Variants in MCM9 observed in about 807,000 individuals in gnomAD.
MCM9 encodes the protein DNA helicase MCM9.
In MCM9, 55 loss-of-function variants were observed where a neutral mutation model predicts 72.8. The ratio of observed to expected loss-of-function variants is 0.76; its 90% CI spans 0.61 to 0.95. The LOEUF (loss-of-function observed/expected upper bound fraction) is 0.95, where lower values mean the gene tolerates loss of function less well. Ranked by LOEUF, MCM9 falls within the 40% of genes least tolerant of loss-of-function variation. MCM9 has a pLI of 0.00. For missense variants in MCM9, 1,279 were observed against 1,377.0 expected (o/e 0.93, Z 1.13); for synonymous variants, 480 against 503.4 (o/e 0.95, Z 0.62).
At position 118,814,985 on chromosome 6, in the gene MCM9, T is replaced by C; in HGVS notation, c.3271A>G (p.Thr1091Ala). ...RGERGPSSPP[T>A]TTAPMRVSKR... ...CTGACACGCATTGGAGCTGTGGTTG[T>C]AGGAGGGGAGCTTGGGCCTCTCTCA... The change falls in exon 14 of 14, where the codon ACA (threonine) becomes GCA (alanine). Residue 1091 changes from threonine (T) to alanine (A), a missense_variant. Thr to Ala is a moderately conservative substitution (Grantham distance 58). Coordinates refer to ENST00000619706, the MANE Select transcript of MCM9 (RefSeq NM_017696.3). 1 of 1,550,498 alleles carries C rather than the reference T, an allele frequency of 6.4e-7. No homozygotes were observed. Among genetic ancestry groups the C allele is most frequent in the Non-Finnish European group, 8.7e-7 (1 of 1,146,940 alleles).
intron 8 of MCM9, among the ~76,000 whole-genome samples, chr6:118,857,673 C>T (rs1036257547): frequency 1.5e-5 from 2 of 133,912 alleles, no homozygotes; most frequent in Non-Finnish European, 3.2e-5. Context: ...TTACAAATAT[C>T]AGGAATGAAA....
Position 118,913,469 on chromosome 6 carries a change from C to T in MCM9, c.905-49G>A, listed in dbSNP as rs375418018. ...AATCAGCAATAATTTTCAAGAAACC[C>T]CAACTGAAATTTCCCTTCCTTTCCT... On this transcript the variant is annotated intron_variant, in intron 6 of 13. Coordinates refer to ENST00000619706, the MANE Select transcript of MCM9 (RefSeq NM_017696.3). 6 of 1,609,602 alleles carry T rather than the reference C, an allele frequency of 3.7e-6. No individual in the cohort carries two copies. The African/African-American group carries it at 6.7e-5, about 18-fold the overall frequency.
chr6:118,875,986 T>C (rs1037308932), intron 8 of MCM9, among the ~76,000 whole-genome samples: 1 of 152,210 alleles, frequency 6.6e-6, no homozygotes, highest in Non-Finnish European at 1.5e-5. Context: ...AACCATCTTG[T>C]CCTTCAGTAG....
intron 4 of MCM9, among the ~76,000 whole-genome samples, chr6:118,922,813 C>T (rs1284539692): frequency 6.6e-6 from 1 of 151,990 alleles, no homozygotes; most frequent in African/African-American, 2.4e-5. Context: ...GGGTGGATCA[C>T]CTGAGGTTAG....
rs146772494 is a variant in MCM9, at chr6:118,845,109, G to C, written c.1325+11262C>G. On this transcript the variant is annotated intron_variant, in intron 9 of 13. Transcript: ENST00000619706. ...CTGTATTTAACTGGGTCTCTCTAGAGGGCATTTGAAACGGAGACAGGAAGG... is the reference window on the plus strand; with the variant it reads ...CTGTATTTAACTGGGTCTCTCTAGACGGCATTTGAAACGGAGACAGGAAGG... 1.8e-3 allele frequency among the ~76,000 whole-genome samples: 277 copies of C among 151,762 alleles called. 4 individuals are homozygous for C. Among genetic ancestry groups the C allele is most frequent in the South Asian group, 0.01 (50 of 4,816 alleles).
At chr6:118,902,537 T>TA (rs1258067597) in intron 8 of MCM9, among the ~76,000 whole-genome samples, 2 of 151,446 alleles carry the variant, frequency 1.3e-5, no homozygotes, top group Non-Finnish European at 3.0e-5. Context: ...ACTTTTTTTT[T>TA]TTTTTTTTTG....
In MCM9 at chr6:118,923,965, A is replaced by G. The variant is rs1405774938; in HGVS notation, c.467T>C (p.Ile156Thr). 6.2e-7 allele frequency: 1 copy of G among 1,614,112 alleles called. No individual in the cohort carries two copies. Among genetic ancestry groups the G allele is most frequent in the Non-Finnish European group, 8.5e-7 (1 of 1,180,052 alleles). Residue 156 changes from isoleucine to threonine, a missense_variant, in exon 4 of 14, where the codon ATC becomes ACC. Coordinates refer to ENST00000619706, the MANE Select transcript of MCM9 (RefSeq NM_017696.3). ...GTAATACTGCTCAAAGTCAGCCTTG[A>G]TCACAAACACATGCTTGCATTTGTT... is the stretch of plus-strand genomic sequence containing the variant. ...MCNKCKHVFV[I>T]KADFEQYYTF...
intron 8 of MCM9, among the ~76,000 whole-genome samples, chr6:118,859,328 G>A (rs1369842573): frequency 3.3e-5 from 5 of 152,284 alleles, no homozygotes; most frequent in South Asian, 4.1e-4. Flanking sequence ...AAACACAGGA[G>A]AAAATAGCTG....
Position 118,816,269 on chromosome 6 carries a change from A to AT in MCM9, c.1986dup (p.Ser663IlefsTer36), listed in dbSNP as rs1260047737. Reference sequence around the variant, plus strand: ...TCTACCTCCAATACCCGTGGTTGGGATTGGTGCACACTCTGATTCTGTAAC... The same window carrying AT: ...TCTACCTCCAATACCCGTGGTTGGGATTTGGTGCACACTCTGATTCTGTAAC... On this transcript the variant is annotated frameshift_variant, in exon 14 of 14. Transcript: ENST00000619706. LOFTEE classifies it low-confidence loss of function (END_TRUNC). 6 of 1,547,176 alleles carry AT rather than the reference A, an allele frequency of 3.9e-6. No homozygotes were observed. Among genetic ancestry groups the AT allele is most frequent in the South Asian group, 1.2e-5 (1 of 83,540 alleles).
At chr6:118,836,238 G>T (rs774644602) in intron 9 of MCM9, among the ~76,000 whole-genome samples, 3 of 152,150 alleles carry the variant, frequency 2.0e-5, no homozygotes, top group Non-Finnish European at 4.4e-5. Context: ...TGTGCTTCTG[G>T]ATTCAGTTTG....
intron 3 of MCM9, among the ~76,000 whole-genome samples, chr6:118,929,182 T>C (rs1239377510): frequency 6.6e-6 from 1 of 152,230 alleles, no homozygotes; most frequent in African/African-American, 2.4e-5. Context: ...ATTGCATCAC[T>C]GGACTCCAGC....
intron 8 of MCM9, among the ~76,000 whole-genome samples, chr6:118,862,510 G>A (rs1583464520): frequency 6.6e-6 from 1 of 152,224 alleles, no homozygotes; most frequent in Non-Finnish European, 1.5e-5. Context: ...GATGATGGGA[G>A]ACAGTGACAG....
intron 8 of MCM9, chr6:118,901,038 T>C: frequency 3.4e-6 from 2 of 580,852 alleles, no homozygotes; most frequent in South Asian, 4.6e-5. Context: ...AGGCAGTCTC[T>C]GTGTCACAGA....
rs558683958 is a variant in MCM9 at position 118,933,156 on chromosome 6, G to A, written c.-149-416C>T. ...GGAGGTTAAATTTAAATGAGGTGAC[G>A]ATCTCAGAAGTAGCACTGGACAGTT... is the stretch of plus-strand genomic sequence containing the variant. On this transcript the variant is annotated intron_variant, in intron 1 of 13. Coordinates refer to ENST00000619706, the MANE Select transcript of MCM9 (RefSeq NM_017696.3). Among the ~76,000 whole-genome samples, 3 of 152,228 alleles carry A rather than the reference G, an allele frequency of 2.0e-5. No homozygotes were observed. In the South Asian group the frequency reaches 6.2e-4, roughly 32 times the overall value.
At position 118,900,421 on chromosome 6, in the gene MCM9, G is replaced by A. The variant is rs141807369; in HGVS notation, c.1150+11229C>T. On this transcript the variant is annotated intron_variant, in intron 8 of 13. Transcript: ENST00000619706. ...TGGGAAGTGCTGGATTAATGTTACTGGTGTTCTTTACTGAAGGATATCTCA... is the reference window on the plus strand; with the variant it reads ...TGGGAAGTGCTGGATTAATGTTACTAGTGTTCTTTACTGAAGGATATCTCA... Among the ~76,000 whole-genome samples, 28 of 152,258 alleles carry A rather than the reference G, an allele frequency of 1.8e-4. No homozygotes were observed. The East Asian group carries it at 4.4e-3, about 24-fold the overall frequency.
At chr6:118,826,672 T>C in intron 12 of MCM9, 110 bp downstream of exon 12, 1 of 767,804 alleles carries the variant, frequency 1.3e-6, no homozygotes. Context: ...AATTACTAAG[T>C]CTAGAATATG....
intron 8 of MCM9, chr6:118,910,553 T>C: frequency 8.5e-6 from 8 of 945,688 alleles, no homozygotes; most frequent in Non-Finnish European, 8.8e-6. Context: ...CTTGGACTCA[T>C]TTCTTGACAC....
chr6:118,905,819 C>T lies in MCM9; in HGVS notation c.1150+5831G>A, dbSNP rs746927496. ...GGGAAAATCCACCAGTAAAACCAGACTTTTCTAAGGTAATGTTCTTACTAT... is the reference window on the plus strand; with the variant it reads ...GGGAAAATCCACCAGTAAAACCAGATTTTTCTAAGGTAATGTTCTTACTAT... On this transcript the variant is annotated intron_variant, in intron 8 of 13. Transcript: ENST00000619706. The T allele has an allele frequency of 5.6e-6, 9 of 1,599,328 alleles. No homozygotes were observed. In the East Asian group the frequency reaches 1.6e-4, roughly 28 times the overall value.
intron 8 of MCM9, among the ~76,000 whole-genome samples, chr6:118,897,841 CAAAA>C (rs1003358390): frequency 9.9e-4 from 150 of 150,914 alleles, no homozygotes; most frequent in African/African-American, 3.6e-3. Context: ...AAAAAAACAA[CAAAA>C]AAACTGATGC....
Sources: allele counts gnomAD v4.1 joint callset (sites outside exome capture counted in the v4.1 genomes callset), GRCh38; gene constraint gnomAD v4.1.1; transcripts MANE v1.5; gene names NCBI Gene and HGNC (gene_info 2026-07-23, HGNC 2026-07-21).